The following ARHGAP24 variants were observed in gnomAD, a reference collection of about 807,000 sequenced individuals.
ARHGAP24 encodes the protein Rho GTPase activating protein 24.
ARHGAP24 carries 50 observed loss-of-function variants against 76.4 expected under a neutral mutation model. The ratio of observed to expected loss-of-function variants is 0.65; its 90% CI spans 0.52 to 0.83. The LOEUF is 0.83. ARHGAP24 is among the 40% of genes least tolerant of loss of function. The pLI, the probability that ARHGAP24 is intolerant of heterozygous loss-of-function variation, is 0.00. For missense variants in ARHGAP24, 930 were observed against 914.2 expected, an observed-to-expected ratio of 1.02 and a Z score of -0.22; for synonymous variants, 345 against 323.3, an observed-to-expected ratio of 1.07 and a Z score of -0.72.
intron 3 of ARHGAP24, among the ~76,000 whole-genome samples, chr4:85,740,825 A>G (rs1019313058): frequency 2.6e-5 from 4 of 152,212 alleles, no homozygotes; most frequent in African/African-American, 9.6e-5. Flanking sequence ...ATTTAACAAT[A>G]TACTGTTGTC....
chr4:85,743,256 G>A (rs1725891185), intron 3 of ARHGAP24, among the ~76,000 whole-genome samples: 1 of 151,824 alleles, frequency 6.6e-6, no homozygotes, highest in African/African-American at 2.4e-5. Flanking sequence ...AAAGAGGTCT[G>A]GGACCTCGGA....
At chr4:85,592,044 G>C (rs1193088377) in intron 2 of ARHGAP24, among the ~76,000 whole-genome samples, 5 of 152,138 alleles carry the variant, frequency 3.3e-5, no homozygotes, top group African/African-American at 1.2e-4. Flanking sequence ...CCGTGACCTT[G>C]GGCTGGATTT....
intron 2 of ARHGAP24, among the ~76,000 whole-genome samples, chr4:85,581,904 G>A (rs753639323): frequency 1.3e-5 from 2 of 152,002 alleles, no homozygotes; most frequent in Non-Finnish European, 2.9e-5. Flanking sequence ...AATGAGTTGC[G>A]TTACCTTGTA....
rs907874390 is a variant in ARHGAP24 at position 85,931,140 on chromosome 4, A to G, written c.391+7370A>G. The G allele has an allele frequency of 2.3e-6, 3 of 1,291,522 alleles. No homozygotes were observed. The Admixed American group carries it at 7.1e-5, about 31-fold the overall frequency. 80.0% of individuals were successfully genotyped at this position (1,291,522 alleles called of 1,614,324 possible). On this transcript the variant is annotated intron_variant, in intron 4 of 9. Coordinates refer to ENST00000395184, the MANE Select transcript of ARHGAP24 (RefSeq NM_001025616.3). Reference sequence around the variant, plus strand: ...TGCTCAGATAAAATGGGAGTTTGGAAACCAAGAGCTTAGGACTGTACAAGA... The same window carrying G: ...TGCTCAGATAAAATGGGAGTTTGGAGACCAAGAGCTTAGGACTGTACAAGA...
At chr4:85,561,339 G>A (rs900515594) in intron 1 of ARHGAP24, among the ~76,000 whole-genome samples, 1 of 152,146 alleles carries the variant, frequency 6.6e-6, no homozygotes, top group African/African-American at 2.4e-5. Flanking sequence ...ACATATTTAG[G>A]CTCCTGGAAT....
At position 85,865,954 on chromosome 4, in the gene ARHGAP24, C is replaced by A. The variant is rs186495966; in HGVS notation, c.269-57694C>A. Among the ~76,000 whole-genome samples the A allele has an allele frequency of 4.6e-5, 7 of 152,082 alleles. No homozygotes were observed. The East Asian group carries it at 1.4e-3, about 29-fold the overall frequency. On this transcript the variant is annotated intron_variant, in intron 3 of 9. Coordinates refer to ENST00000395184, the MANE Select transcript of ARHGAP24 (RefSeq NM_001025616.3). ...CCAAACAAAGGACAGTTAAAAAGAG[C>A]AGAAGAGTGGATTTACTTGCTGGAA...
rs542615434 is a variant in ARHGAP24, at chr4:85,679,950, A to G, written c.181-41935A>G. Among the ~76,000 whole-genome samples the G allele has an allele frequency of 6.6e-5, 10 of 152,326 alleles. No homozygotes were observed. In the South Asian group the frequency reaches 1.9e-3, roughly 28 times the overall value. On this transcript the variant is annotated intron_variant, in intron 2 of 9. Coordinates refer to ENST00000395184, the MANE Select transcript of ARHGAP24 (RefSeq NM_001025616.3). ...TTGGTTCTACCCAACTGCACTTTCT[A>G]TCATATTTTTAGTCTGAAGGTTTTA...
chr4:85,820,282 T>G lies in ARHGAP24; in HGVS notation c.268+98310T>G, dbSNP rs11937492. Among the ~76,000 whole-genome samples, 1,444 of 152,330 alleles carry G rather than the reference T, an allele frequency of 9.5e-3. 27 individuals are homozygous for G. The highest frequency in any genetic ancestry group is 0.033 in the African/African-American group (1,352 of 41,566). ...GGATAAAGACAATGTGATACATACATACTGTGGAATACTATGCAGTCATGA... is the reference window on the plus strand; with the variant it reads ...GGATAAAGACAATGTGATACATACAGACTGTGGAATACTATGCAGTCATGA... On this transcript the variant is annotated intron_variant, in intron 3 of 9. Coordinates refer to ENST00000395184, the MANE Select transcript of ARHGAP24 (RefSeq NM_001025616.3).
chr4:85,699,601 C>A (rs1384463033), intron 2 of ARHGAP24, among the ~76,000 whole-genome samples: 2 of 150,828 alleles, frequency 1.3e-5, no homozygotes, highest in Non-Finnish European at 3.0e-5. Context: ...GACCCTGTCT[C>A]AATTTTTTTT....
intron 1 of ARHGAP24, among the ~76,000 whole-genome samples, chr4:85,502,430 G>T (rs1215703316): frequency 6.6e-6 from 1 of 152,022 alleles, no homozygotes; most frequent in Non-Finnish European, 1.5e-5. Flanking sequence ...ACTTGAAGAG[G>T]TCCTTCACAT....
chr4:85,605,646 T>C (rs770504542), intron 2 of ARHGAP24, among the ~76,000 whole-genome samples: 1 of 152,226 alleles, frequency 6.6e-6, no homozygotes, highest in Non-Finnish European at 1.5e-5. Flanking sequence ...GCTGATACTA[T>C]ACATTATGTA....
chr4:85,673,179 C>A (rs527252132), intron 2 of ARHGAP24, among the ~76,000 whole-genome samples: 1 of 152,286 alleles, frequency 6.6e-6, no homozygotes, highest in African/African-American at 2.4e-5. Flanking sequence ...TCCTTTTGTT[C>A]AAGTGCACTT....
At chr4:85,764,246 A>G (rs1293918201) in intron 3 of ARHGAP24, among the ~76,000 whole-genome samples, 2 of 152,034 alleles carry the variant, frequency 1.3e-5, no homozygotes, top group African/African-American at 4.8e-5. Context: ...ATTATCATAA[A>G]GAGAGATGCT....
Position 86,000,458 on chromosome 4 carries a change from C to CCCG in ARHGAP24, c.2004-19_2004-18insGCC, listed in dbSNP as rs1553952819. 92 of 753,428 alleles carry CCCG rather than the reference C, an allele frequency of 1.2e-4. 3 individuals carry two copies. The Admixed American group carries it at 1.3e-3, about 10-fold the overall frequency. The allele number at this position is 753,428 out of a possible 1,614,324, so 46.7% of individuals were successfully genotyped here. A position where few individuals can be genotyped will look rare whatever the true frequency, so the allele number is the denominator to read the frequency against. ...TTACTCTTGCGTCCCCACCCCCCAC[C>CCCG]CCCCCCAACATCCTTTGTAGCTTAG... On this transcript the variant is annotated intron_variant, in intron 9 of 9. Coordinates refer to ENST00000395184, the MANE Select transcript of ARHGAP24 (RefSeq NM_001025616.3).
intron 3 of ARHGAP24, among the ~76,000 whole-genome samples, chr4:85,914,085 A>G (rs1346686523): frequency 2.0e-5 from 3 of 152,228 alleles, no homozygotes; most frequent in African/African-American, 7.2e-5. Flanking sequence ...TCATCTCAAC[A>G]TGAATGACAT....
At chr4:85,729,865 AT>A (rs1484246184) in intron 3 of ARHGAP24, among the ~76,000 whole-genome samples, 2 of 152,154 alleles carry the variant, frequency 1.3e-5, no homozygotes, top group African/African-American at 4.8e-5. Flanking sequence ...AGTGAACCAG[AT>A]TTGGCCCGTG....
Position 85,896,231 on chromosome 4 carries a change from G to A in ARHGAP24, c.269-27417G>A, listed in dbSNP as rs113082311. ...TAGTTTAACTTTTTGATTTTAGGAAGCCAACATTATTTTGCAATCTATCCA... is the reference window on the plus strand; with the variant it reads ...TAGTTTAACTTTTTGATTTTAGGAAACCAACATTATTTTGCAATCTATCCA... On this transcript the variant is annotated intron_variant, in intron 3 of 9. Coordinates refer to ENST00000395184, the MANE Select transcript of ARHGAP24 (RefSeq NM_001025616.3). Among the ~76,000 whole-genome samples, 520 of 152,236 alleles carry A rather than the reference G, an allele frequency of 3.4e-3. 6 individuals are homozygous for A. Among genetic ancestry groups the A allele is most frequent in the African/African-American group, 0.012 (497 of 41,560 alleles).
At chr4:85,476,815 C>T (rs1170941301) in intron 1 of ARHGAP24, among the ~76,000 whole-genome samples, 1 of 152,224 alleles carries the variant, frequency 6.6e-6, no homozygotes, top group Non-Finnish European at 1.5e-5. Context: ...CATAAAGTCA[C>T]ATCAGACTTG....
intron 3 of ARHGAP24, among the ~76,000 whole-genome samples, chr4:85,885,123 G>A (rs1013669033): frequency 1.3e-5 from 2 of 152,064 alleles, no homozygotes; most frequent in Non-Finnish European, 2.9e-5. Flanking sequence ...ATTAGCCAAC[G>A]TATTTTAGGA....
Sources: gnomAD v4.1 joint callset for allele counts (sites outside exome capture counted in the v4.1 genomes callset) on GRCh38, gnomAD v4.1.1 for gene constraint, MANE v1.5 for transcripts, NCBI Gene and HGNC (gene_info 2026-07-23, HGNC 2026-07-21) for gene names.